Variants in PML observed in about 807,000 individuals in gnomAD.
PML encodes PML nuclear body scaffold, also known as protein PML.
In PML, 28 loss-of-function variants were observed where a neutral mutation model predicts 65.2. The ratio of observed to expected loss-of-function variants is 0.43; its 90% confidence interval spans 0.32 to 0.59. The LOEUF is 0.59. Among genes scored for constraint, PML ranks in the 20% least tolerant of loss-of-function variants. The probability of loss-of-function intolerance (pLI) is 0.08; values close to 1 mark genes in which losing one functional copy is unlikely to be tolerated. For missense variants in PML, 1,021 were observed against 1,203.4 expected (o/e 0.85, Z 2.24); for synonymous variants, 500 against 508.8 (o/e 0.98, Z 0.23).
At position 74,045,715 on chromosome 15, in the gene PML, G is replaced by T; in HGVS notation, c.*707G>T. 1 of 233,948 alleles carries T rather than the reference G, an allele frequency of 4.3e-6. No individual in the cohort carries two copies. The highest frequency in any genetic ancestry group is 5.6e-5 in the Admixed American group (1 of 17,800). 14.5% of individuals were successfully genotyped at this position (233,948 alleles called of 1,614,324 possible). A position where few individuals can be genotyped will look rare whatever the true frequency, so the allele number is the denominator to read the frequency against. On this transcript the variant is annotated 3_prime_UTR_variant, in exon 9 of 9. Coordinates refer to ENST00000268058, the MANE Select transcript of PML (RefSeq NM_033238.3). ...TTGCTCTTTGGTCCTCAGGCCACCA[G>T]ACCCCTCACAGCATGGCCCTTGGCT...
intron 4 of PML, chr15:74,026,380 C>G (rs2071076706): frequency 6.6e-6 from 1 of 152,100 alleles, no homozygotes; most frequent in African/African-American, 2.4e-5. Flanking sequence ...TCATATTGGC[C>G]AGGCTGGTCT....
Position 74,044,215 on chromosome 15 carries a change from G to C in PML, c.1862-6G>C. ...GGTCCTCACCCTGCCCTTCTCTCCT[G>C]CCCAGCCCAGAAGATTAGCCAGCTG... is the stretch of plus-strand genomic sequence containing the variant. On this transcript the variant is annotated splice_polypyrimidine_tract_variant and splice_region_variant and intron_variant, in intron 8 of 8. Coordinates refer to ENST00000268058, the MANE Select transcript of PML (RefSeq NM_033238.3). 6.2e-7 allele frequency: 1 copy of C among 1,613,562 alleles called. No homozygotes were observed. The highest frequency in any genetic ancestry group is 8.5e-7 in the Non-Finnish European group (1 of 1,180,002).
chr15:74,015,286 A>G (rs554533488), intron 2 of PML, among the ~76,000 whole-genome samples: 50 of 152,354 alleles, frequency 3.3e-4, no homozygotes, highest in Non-Finnish European at 6.5e-4. Context: ...ATGGTGAGAT[A>G]GCAGGAAACT....
At chr15:74,025,714 T>C (rs1171175343) in intron 4 of PML, 1 of 152,286 alleles carries the variant, frequency 6.6e-6, no homozygotes, top group Non-Finnish European at 1.5e-5. Flanking sequence ...CGAGTGGAAA[T>C]GCAGTGGTGT....
intron 2 of PML, among the ~76,000 whole-genome samples, chr15:74,017,048 C>T (rs1347819007): frequency 2.0e-5 from 3 of 151,774 alleles, no homozygotes; most frequent in Non-Finnish European, 2.9e-5. Flanking sequence ...CCACCCACCT[C>T]GGCCTCCCAA....
chr15:74,001,654 T>A (rs2069768424), intron 2 of PML, among the ~76,000 whole-genome samples: 1 of 152,206 alleles, frequency 6.6e-6, no homozygotes, highest in African/African-American at 2.4e-5. Flanking sequence ...TAATAACTCT[T>A]TTAAGGCATA....
At chr15:74,009,364 T>G (rs949867737) in intron 2 of PML, among the ~76,000 whole-genome samples, 2 of 152,162 alleles carry the variant, frequency 1.3e-5, no homozygotes, top group Non-Finnish European at 2.9e-5. Flanking sequence ...AGCAGTAAAT[T>G]GCATTTTATT....
At chr15:74,011,234 C>G (rs953495986) in intron 2 of PML, among the ~76,000 whole-genome samples, 13 of 152,230 alleles carry the variant, frequency 8.5e-5, no homozygotes, top group Non-Finnish European at 1.9e-4. Flanking sequence ...GCATTCCAAG[C>G]TAAATCTCAG....
At chr15:74,036,014 C>T in intron 7 of PML, 4 of 1,614,180 alleles carry the variant, frequency 2.5e-6, no homozygotes, top group Non-Finnish European at 1.7e-6. Flanking sequence ...GAGCTGCCTC[C>T]TCCAGCCCAT....
At chr15:74,006,890 C>T (rs2070087795) in intron 2 of PML, among the ~76,000 whole-genome samples, 1 of 152,272 alleles carries the variant, frequency 6.6e-6, no homozygotes. Context: ...CTTTAAATAA[C>T]CAGCTCTCCC....
intron 4 of PML, 29 bp downstream of exon 4, chr15:74,024,956 G>A: frequency 6.5e-7 from 1 of 1,532,118 alleles, no homozygotes; most frequent in Non-Finnish European, 9.0e-7. Flanking sequence ...CTGAAGGGGT[G>A]GTGGTGGGGC....
Position 74,042,648 on chromosome 15 carries a change from C to T in PML, c.1711-341C>T, listed in dbSNP as rs1041408893. On this transcript the variant is annotated intron_variant, in intron 7 of 8. Transcript: ENST00000268058. The surrounding 1 kb of genome is among the most constrained non-coding windows in gnomAD (Gnocchi z 5.3). ...TCACACTTTCATACACTTGTGTCAA[C>T]GCAGGTTCACAGCTCACACTTAACT... 4.5e-5 allele frequency: 44 copies of T among 985,312 alleles called. No individual in the cohort carries two copies. Among genetic ancestry groups the T allele is most frequent in the Middle Eastern group, 5.2e-4 (1 of 1,936 alleles). 61.0% of individuals were successfully genotyped at this position (985,312 alleles called of 1,614,324 possible).
At chr15:74,033,036 A>G in intron 5 of PML, 120 bp from the exon 6 acceptor site, 1 of 1,047,162 alleles carries the variant, frequency 9.5e-7, no homozygotes, top group South Asian at 1.3e-5. Context: ...CGTGGTTGAG[A>G]GCAGAGGAGA....
In PML at chr15:74,023,245, C is replaced by T; in HGVS notation, c.1020C>T (p.Ala340=). The change falls in exon 3 of 9, where the codon GCC becomes GCT. Residue 340 remains alanine (A), a synonymous_variant. Coordinates refer to ENST00000268058, the MANE Select transcript of PML (RefSeq NM_033238.3). The stretch of plus-strand genomic sequence containing the variant: ...TGGTGCAGAGGATGAAGTGCTACGC[C>T]TCGGACCAGGAGGTGCTGGACATGC... ...SALVQRMKCY[A]SDQEVLDMHG... The T allele has an allele frequency of 6.2e-7, 1 of 1,611,148 alleles. No individual in the cohort carries two copies.
At chr15:74,032,030 C>T (rs997639193) in intron 4 of PML, among the ~76,000 whole-genome samples, 10 of 152,088 alleles carry the variant, frequency 6.6e-5, no homozygotes, top group African/African-American at 2.4e-4. Flanking sequence ...CCCAGGGAGG[C>T]CAGTTTCAGC....
At chr15:74,033,827 G>T in intron 6 of PML, 1 of 512,040 alleles carries the variant, frequency 2.0e-6, no homozygotes, top group Non-Finnish European at 3.4e-6. Flanking sequence ...TTCCCCAAGT[G>T]TTTCTGCAAA....
chr15:74,044,306 C>A lies in PML; in HGVS notation c.1947C>A (p.Tyr649Ter), dbSNP rs1054292582. 1 of 1,614,194 alleles carries A rather than the reference C, an allele frequency of 6.2e-7. No homozygotes were observed. The highest frequency in any genetic ancestry group is 8.5e-7 in the Non-Finnish European group (1 of 1,180,034). ...AGCCTGAAGCCTTCTTCAGCATCTA[C>A]TCCAAGGCCGTGTCCCTGGAGGTGG... ...VIQPEAFFSI[Y>*]SKAVSLEVGL... The change falls in exon 9 of 9, where the codon TAC (tyrosine) becomes TAA (stop). Residue 649 changes from tyrosine (Y) to a stop codon, truncating the protein, a stop_gained. Coordinates refer to ENST00000268058, the MANE Select transcript of PML (RefSeq NM_033238.3). LOFTEE classifies it low-confidence loss of function (END_TRUNC).
chr15:73,999,884 G>C (rs1252559649), intron 2 of PML, among the ~76,000 whole-genome samples: 1 of 149,216 alleles, frequency 6.7e-6, no homozygotes, highest in Non-Finnish European at 1.5e-5. Flanking sequence ...ACCCAGGCTG[G>C]AGTGCAGTGG....
At chr15:74,039,664 C>T (rs1159721865) in intron 7 of PML, among the ~76,000 whole-genome samples, 3 of 152,166 alleles carry the variant, frequency 2.0e-5, no homozygotes, top group Admixed American at 6.5e-5. Flanking sequence ...AGATTCTAAT[C>T]GAATCAGTCT....
Sources: gnomAD v4.1 joint callset for allele counts (sites outside exome capture counted in the v4.1 genomes callset) on GRCh38, gnomAD v4.1.1 for gene constraint, Gnocchi (gnomAD v3.1) non-coding constraint, MANE v1.5 for transcripts, NCBI Gene and HGNC (gene_info 2026-07-23, HGNC 2026-07-21) for gene names.